Variants in CMTM4 observed in about 807,000 individuals in gnomAD.
The protein encoded by CMTM4 is CKLF-like MARVEL transmembrane domain-containing protein 4.
A neutral mutation model predicts 19.0 loss-of-function variants in CMTM4; 8 were observed. The observed-to-expected ratio is 0.42, with a 90% CI of 0.25 to 0.76. The LOEUF (loss-of-function observed/expected upper bound fraction) is 0.76, where lower values mean the gene tolerates loss of function less well. Among genes scored for constraint, CMTM4 ranks in the 30% least tolerant of loss-of-function variants. CMTM4 has a pLI of 0.27. For missense variants in CMTM4, 228 were observed against 290.2 expected, an observed-to-expected ratio of 0.79 and a Z score of 1.56; for synonymous variants, 106 against 121.1, an observed-to-expected ratio of 0.88 and a Z score of 0.82.
intron 2 of CMTM4, among the ~76,000 whole-genome samples, chr16:66,624,711 G>A (rs1467623617): frequency 6.6e-6 from 1 of 152,226 alleles, no homozygotes; most frequent in African/African-American, 2.4e-5. Flanking sequence ...AGGTTGCAGT[G>A]AGCTAAGATC....
intron 1 of CMTM4, among the ~76,000 whole-genome samples, chr16:66,691,807 T>C (rs1286312892): frequency 2.0e-5 from 3 of 152,244 alleles, no homozygotes; most frequent in Non-Finnish European, 4.4e-5. Context: ...AATACCAATT[T>C]AACTTAAATC....
intron 1 of CMTM4, among the ~76,000 whole-genome samples, chr16:66,657,102 T>C (rs888778361): frequency 6.4e-5 from 9 of 141,288 alleles, no homozygotes; most frequent in Non-Finnish European, 1.1e-4. Flanking sequence ...TTTTTTTTTT[T>C]CAGATGGAGT....
chr16:66,609,893 T>C (rs2015310519), downstream of CMTM4: 3 of 1,614,172 alleles, frequency 1.9e-6, no homozygotes, highest in Non-Finnish European at 2.5e-6. This position sits in a 1 kb window ranked among gnomAD's most constrained non-coding sequence, Gnocchi z 4.4. Flanking sequence ...GTGTTTGGCT[T>C]CTTTGCTACC....
intron 1 of CMTM4, among the ~76,000 whole-genome samples, chr16:66,675,127 C>A (rs1285782117): frequency 6.6e-6 from 1 of 151,010 alleles, no homozygotes; most frequent in Non-Finnish European, 1.5e-5. Context: ...GTTGGCCAGG[C>A]TGGAGTGCAA....
At chr16:66,625,592 G>A (rs1374494528) in intron 2 of CMTM4, among the ~76,000 whole-genome samples, 2 of 151,998 alleles carry the variant, frequency 1.3e-5, no homozygotes, top group Non-Finnish European at 2.9e-5. Context: ...GAAAAAATAT[G>A]TCAAAAAGCC....
rs1293691369 is a variant in CMTM4, at chr16:66,619,765, AAGG to A, written c.*2290_*2292del. The A allele has an allele frequency of 1.0e-6, 1 of 985,382 alleles. No individual in the cohort carries two copies. The highest frequency in any genetic ancestry group is 1.2e-6 in the Non-Finnish European group (1 of 829,890). 61.0% of individuals were successfully genotyped at this position (985,382 alleles called of 1,614,324 possible). On this transcript the variant is annotated 3_prime_UTR_variant, in exon 4 of 4. Coordinates refer to ENST00000394106, the MANE Select transcript of CMTM4 (RefSeq NM_181521.3). ...GTTCTAGTGGGAGTTAATTAAATAC[AAGG>A]AGAACATTTACAAAACCACCGAGGA...
At position 66,617,117 on chromosome 16, in the gene CMTM4, T is replaced by G; in HGVS notation, c.*4941A>C. 3.1e-6 allele frequency: 2 copies of G among 635,294 alleles called. No homozygotes were observed. The highest frequency in any genetic ancestry group is 2.6e-6 in the Non-Finnish European group (1 of 384,048). 39.4% of individuals were successfully genotyped at this position (635,294 alleles called of 1,614,324 possible). ...CTGGGGGTCCAAGCCAAAGGCTCCC[T>G]GGCCTTTGTGTATTATGCATCCCAA... On this transcript the variant is annotated 3_prime_UTR_variant, in exon 4 of 4. Coordinates refer to ENST00000394106, the MANE Select transcript of CMTM4 (RefSeq NM_181521.3).
At chr16:66,605,983 G>C in the CMTM4 span, among the ~76,000 whole-genome samples, 1 of 152,022 alleles carries the variant, frequency 6.6e-6, no homozygotes, top group African/African-American at 2.4e-5. The surrounding 1 kb of genome is among the most constrained non-coding windows in gnomAD (Gnocchi z 4.6). Flanking sequence ...AGCCACTTGA[G>C]GGGAGAAGCC....
chr16:66,671,539 C>T (rs1338099457), intron 1 of CMTM4, among the ~76,000 whole-genome samples: 2 of 152,196 alleles, frequency 1.3e-5, no homozygotes, highest in African/African-American at 4.8e-5. Flanking sequence ...CCATTCCATT[C>T]TCATCCCTTA....
the CMTM4 span, among the ~76,000 whole-genome samples, chr16:66,602,739 T>G: frequency 6.6e-6 from 1 of 151,858 alleles, no homozygotes; most frequent in Non-Finnish European, 1.5e-5. Flanking sequence ...TGGAGATGGG[T>G]TTTCGCCATG....
chr16:66,614,372 G>T (rs2015486519), downstream of CMTM4, among the ~76,000 whole-genome samples: 1 of 152,204 alleles, frequency 6.6e-6, no homozygotes, highest in Non-Finnish European at 1.5e-5. This position sits in a 1 kb window ranked among gnomAD's most constrained non-coding sequence, Gnocchi z 4.9. Context: ...GCCTCAGGCA[G>T]CCGGAACCCT....
chr16:66,627,506 T>C (rs1208242490), intron 2 of CMTM4, among the ~76,000 whole-genome samples: 1 of 152,232 alleles, frequency 6.6e-6, no homozygotes, highest in Non-Finnish European at 1.5e-5. Context: ...AATCACAATG[T>C]AATTTTAGAA....
In CMTM4 at chr16:66,696,077, C is replaced by A. The variant is rs1310424632; in HGVS notation, c.186+263G>T. ...CAGACTCCCGGGAGCGAGGGCGGAGCGGACAGGTAGGCCCGAAGGCAGGTG... is the reference window on the plus strand; with the variant it reads ...CAGACTCCCGGGAGCGAGGGCGGAGAGGACAGGTAGGCCCGAAGGCAGGTG... On this transcript the variant is annotated intron_variant, in intron 1 of 3. Transcript: ENST00000394106. The surrounding 1 kb of genome is among the most constrained non-coding windows in gnomAD (Gnocchi z 4.3). Among the ~76,000 whole-genome samples the A allele has an allele frequency of 1.3e-5, 2 of 152,170 alleles. No homozygotes were observed. Among genetic ancestry groups the A allele is most frequent in the Non-Finnish European group, 2.9e-5 (2 of 68,030 alleles).
At chr16:66,647,323 CAAA>C (rs58483961) in intron 1 of CMTM4, among the ~76,000 whole-genome samples, 12 of 62,472 alleles carry the variant, frequency 1.9e-4, no homozygotes, top group Admixed American at 6.0e-4. Context: ...GACTCTGTCT[CAAA>C]AAAAAAAAAA....
chr16:66,623,367 C>A, intron 3 of CMTM4, 37 bp downstream of exon 3: 1 of 1,525,634 alleles, frequency 6.6e-7, no homozygotes, highest in South Asian at 1.1e-5. Context: ...CAGGAGGTCC[C>A]CAGATCAGCT....
At chr16:66,614,122 T>C (rs2015481614), downstream of CMTM4, among the ~76,000 whole-genome samples, 1 of 152,220 alleles carries the variant, frequency 6.6e-6, no homozygotes, top group Admixed American at 6.5e-5. This position sits in a 1 kb window ranked among gnomAD's most constrained non-coding sequence, Gnocchi z 4.9. Context: ...GAGAACCTAA[T>C]CCCACTGCCA....
chr16:66,681,045 TA>T (rs2016905639), intron 1 of CMTM4, among the ~76,000 whole-genome samples: 1 of 152,174 alleles, frequency 6.6e-6, no homozygotes, highest in Non-Finnish European at 1.5e-5. Context: ...AGCCATATTT[TA>T]AAACGTAAAA....
At chr16:66,628,034 ACTATGTCTGGATGTG>A (rs1314771478) in intron 2 of CMTM4, among the ~76,000 whole-genome samples, 1 of 152,230 alleles carries the variant, frequency 6.6e-6, no homozygotes, top group Non-Finnish European at 1.5e-5. Flanking sequence ...AAGGGGAGGT[ACTATGTCTGGATGTG>A]CACGTAGGCC....
the CMTM4 span, among the ~76,000 whole-genome samples, chr16:66,602,805 C>A: frequency 6.6e-6 from 1 of 152,170 alleles, no homozygotes. Flanking sequence ...CCTCAGCCTC[C>A]CAAAATGCTG....
Sources: allele counts gnomAD v4.1 joint callset (sites outside exome capture counted in the v4.1 genomes callset), GRCh38; gene constraint gnomAD v4.1.1; non-coding constraint Gnocchi (gnomAD v3.1); transcripts MANE v1.5; gene names NCBI Gene and HGNC (gene_info 2026-07-23, HGNC 2026-07-21).